OR5M3: variants seen among roughly 807,000 people sequenced by gnomAD.
OR5M3 encodes the protein olfactory receptor family 5 subfamily M member 3.
For missense variants in OR5M3, 384 were observed against 378.6 expected, an observed-to-expected ratio of 1.01 and a Z score of -0.12; for synonymous variants, 129 against 131.3, an observed-to-expected ratio of 0.98 and a Z score of 0.12.
At chr11:56,470,659 T>C (rs1853658832) in intron 1 of OR5M3, 118 bp from the exon 2 acceptor site, 1 of 491,128 alleles carries the variant, frequency 2.0e-6, no homozygotes, top group Non-Finnish European at 3.5e-6. Context: ...CTTTTCTCAG[T>C]GCCTGTTATG....
At position 56,470,260 on chromosome 11, in the gene OR5M3, A is replaced by G; in HGVS notation, c.238T>C (p.Leu80=). ...TTTTTATCTGATAACAGGTTTTCCA[A>G]CATTTTAGGGGTGACATTGGAAGAA... is the stretch of plus-strand genomic sequence containing the variant. ...WFSSNVTPKM[L]ENLLSDKKTI... The change falls in exon 2 of 2, where the codon TTG becomes CTG. Residue 80 remains leucine (L), a synonymous_variant. Coordinates refer to ENST00000641993, the MANE Select transcript of OR5M3 (RefSeq NM_001004742.3). The G allele has an allele frequency of 1.2e-6, 2 of 1,613,482 alleles. No homozygotes were observed. The highest frequency in any genetic ancestry group is 1.7e-6 in the Non-Finnish European group (2 of 1,179,498).
In OR5M3 at chr11:56,469,876, A is replaced by T; in HGVS notation, c.622T>A (p.Ser208Thr). The T allele has an allele frequency of 1.2e-6, 2 of 1,613,226 alleles. No homozygotes were observed. The highest frequency in any genetic ancestry group is 1.7e-6 in the Non-Finnish European group (2 of 1,179,184). ...IILAGINFTY[S>T]LTVIIISYLF... is the part of the protein sequence containing the mutation. ...TAAGAGATGATAATTACAGTCAGGG[A>T]ATATGTGAAGTTAATGCCGGCAAGT... The change falls in exon 2 of 2, where the codon TCC (serine) becomes ACC (threonine). Residue 208 changes from serine (S) to threonine (T), a missense_variant. By Grantham distance (58) the Ser-to-Thr change is moderately conservative. Transcript: ENST00000641993.
chr11:56,473,152 G>A (rs575130884), intron 1 of OR5M3, 69 bp downstream of exon 1: 2 of 152,012 alleles, frequency 1.3e-5, no homozygotes, highest in East Asian at 1.9e-4. Context: ...TCTATAAATC[G>A]TAAAAGAAAA....
chr11:56,472,761 C>T (rs977133248), intron 1 of OR5M3, among the ~76,000 whole-genome samples: 1 of 151,994 alleles, frequency 6.6e-6, no homozygotes, highest in Non-Finnish European at 1.5e-5. Flanking sequence ...AATTAAAATG[C>T]CCATAAATAT....
At position 56,470,261 on chromosome 11, in the gene OR5M3, C is replaced by T. The variant is rs769048277; in HGVS notation, c.237G>A (p.Met79Ile). 1.2e-5 allele frequency: 20 copies of T among 1,613,152 alleles called. No homozygotes were observed. The highest frequency in any genetic ancestry group is 4.5e-5 in the East Asian group (2 of 44,884). Residue 79 changes from methionine (M) to isoleucine (I), a missense_variant, in exon 2 of 2, where the codon ATG becomes ATA. Transcript: ENST00000641993. ...VWFSSNVTPK[M>I]LENLLSDKKT... Reference sequence around the variant, plus strand: ...TTTTATCTGATAACAGGTTTTCCAACATTTTAGGGGTGACATTGGAAGAAA... The same window carrying T: ...TTTTATCTGATAACAGGTTTTCCAATATTTTAGGGGTGACATTGGAAGAAA...
rs141165490 is a variant in OR5M3 at position 56,469,757 on chromosome 11, A to T, written c.741T>A (p.Ile247=). Residue 247 remains isoleucine, a synonymous_variant, in exon 2 of 2, where the codon ATT becomes ATA. Coordinates refer to ENST00000641993, the MANE Select transcript of OR5M3 (RefSeq NM_001004742.3). The stretch of plus-strand genomic sequence containing the variant: ...TGAAGATCAGAGTACCATAGAATAT[A>T]ATGACAGCTGTCAGATGGGACCCAC... ...STCGSHLTAV[I]IFYGTLIFMY... 8.1e-6 allele frequency: 13 copies of T among 1,607,454 alleles called. No individual in the cohort carries two copies. Among genetic ancestry groups the T allele is most frequent in the Non-Finnish European group, 8.5e-6 (10 of 1,174,442 alleles).
rs371011726 is a variant in OR5M3, at chr11:56,469,721, T to A, written c.777A>T (p.Arg259Ser). 37 of 1,612,224 alleles carry A rather than the reference T, an allele frequency of 2.3e-5. No individual in the cohort carries two copies. In the African/African-American group the frequency reaches 4.8e-4, roughly 21 times the overall value. Residue 259 changes from arginine to serine, a missense_variant, in exon 2 of 2, where the codon AGA becomes AGT. Transcript: ENST00000641993. ...FYGTLIFMYL[R>S]RPTEESVEQG... Reference sequence around the variant, plus strand: ...GCTCCACAGACTCCTCTGTGGGACGTCTGAGATACATGAAGATCAGAGTAC... The same window carrying A: ...GCTCCACAGACTCCTCTGTGGGACGACTGAGATACATGAAGATCAGAGTAC...
rs1454563972 is a variant in OR5M3 at position 56,469,746 on chromosome 11, C to T, written c.752G>A (p.Gly251Asp). 1.9e-6 allele frequency: 3 copies of T among 1,612,922 alleles called. No homozygotes were observed. The highest frequency in any genetic ancestry group is 1.7e-5 in the Admixed American group (1 of 59,910). Residue 251 changes from glycine (G) to aspartate (D), a missense_variant, in exon 2 of 2, where the codon GGT becomes GAT. By Grantham distance (94) the Gly-to-Asp change is moderately conservative. Coordinates refer to ENST00000641993, the MANE Select transcript of OR5M3 (RefSeq NM_001004742.3). The part of the protein sequence containing the change: ...SHLTAVIIFY[G>D]TLIFMYLRRP... ...TCTGAGATACATGAAGATCAGAGTACCATAGAATATAATGACAGCTGTCAG... is the reference window on the plus strand; with the variant it reads ...TCTGAGATACATGAAGATCAGAGTATCATAGAATATAATGACAGCTGTCAG...
Position 56,470,287 on chromosome 11 carries a change from A to T in OR5M3, c.211T>A (p.Phe71Ile). Reference sequence around the variant, plus strand: ...ATTTTAGGGGTGACATTGGAAGAAAACCACACATCAACAAATGACAAGTGA... The same window carrying T: ...ATTTTAGGGGTGACATTGGAAGAAATCCACACATCAACAAATGACAAGTGA... ...LSHLSFVDVWFSSNVTPKMLE... is the reference protein window; with the variant it reads ...LSHLSFVDVWISSNVTPKMLE... The change falls in exon 2 of 2, where the codon TTT (phenylalanine) becomes ATT (isoleucine). Residue 71 changes from phenylalanine (F) to isoleucine (I), a missense_variant. By Grantham distance (21) the Phe-to-Ile change is conservative. Transcript: ENST00000641993. The T allele has an allele frequency of 6.2e-7, 1 of 1,613,558 alleles. No homozygotes were observed. Among genetic ancestry groups the T allele is most frequent in the Non-Finnish European group, 8.5e-7 (1 of 1,179,584 alleles).
chr11:56,470,482 C>T lies in OR5M3; in HGVS notation c.16G>A (p.Asp6Asn), dbSNP rs1326016320. The change falls in exon 2 of 2, where the codon GAT (aspartate) becomes AAT (asparagine). Residue 6 changes from aspartate to asparagine, a missense_variant. Transcript: ENST00000641993. MLNFT[D>N]VTEFILLGLT... is the part of the protein sequence containing the mutation. ...CCCAAAAGAATGAACTCTGTCACAT[C>T]GGTGAAATTGAGCATTTTCTGAATT... The T allele has an allele frequency of 3.2e-6, 5 of 1,569,194 alleles. No individual in the cohort carries two copies. Among genetic ancestry groups the T allele is most frequent in the African/African-American group, 1.4e-5 (1 of 72,878 alleles).
At chr11:56,472,601 A>T (rs1263603173) in intron 1 of OR5M3, among the ~76,000 whole-genome samples, 1 of 152,126 alleles carries the variant, frequency 6.6e-6, no homozygotes, top group East Asian at 1.9e-4. Context: ...GTAAAATTAC[A>T]GGAAACTAGG....
chr11:56,469,641 A>T lies in OR5M3; in HGVS notation c.857T>A (p.Met286Lys). The part of the protein sequence containing the change: ...YTTVIPMLNP[M>K]IYSLRNKDVK... ...ATCCTTGTTCCTCAGACTGTAGATC[A>T]TGGGATTCAACATGGGGATCACTGT... is the stretch of plus-strand genomic sequence containing the variant. The change falls in exon 2 of 2, where the codon ATG becomes AAG. Residue 286 changes from methionine to lysine, a missense_variant. Met to Lys is a moderately conservative substitution (Grantham distance 95). Coordinates refer to ENST00000641993, the MANE Select transcript of OR5M3 (RefSeq NM_001004742.3). The T allele has an allele frequency of 1.3e-6, 2 of 1,556,548 alleles. No individual in the cohort carries two copies. The highest frequency in any genetic ancestry group is 2.4e-5 in the South Asian group (2 of 84,530).
rs1410652227 is a variant in OR5M3, at chr11:56,469,500, T to G, written c.*74A>C. ...CAGAATATCTTTATCTTAATGTTCCTAGGTACTGGGTAATAAACTTTTTCC... is the reference window on the plus strand; with the variant it reads ...CAGAATATCTTTATCTTAATGTTCCGAGGTACTGGGTAATAAACTTTTTCC... On this transcript the variant is annotated 3_prime_UTR_variant, in exon 2 of 2. Coordinates refer to ENST00000641993, the MANE Select transcript of OR5M3 (RefSeq NM_001004742.3). 2 of 806,146 alleles carry G rather than the reference T, an allele frequency of 2.5e-6. No individual in the cohort carries two copies. The highest frequency in any genetic ancestry group is 5.6e-5 in the East Asian group (2 of 35,966). 49.9% of individuals were successfully genotyped at this position (806,146 alleles called of 1,614,324 possible).
chr11:56,472,571 C>A (rs546585950), intron 1 of OR5M3, among the ~76,000 whole-genome samples: 63 of 152,038 alleles, frequency 4.1e-4, no homozygotes, highest in Admixed American at 7.2e-4. Flanking sequence ...TGACGGTTAT[C>A]CAGGTGATAA....
chr11:56,469,592 C>T lies in OR5M3; in HGVS notation c.906G>A (p.Val302=). ...ATTTTGTTTAACATGATCTGCTGAT[C>T]ACTTTCATCATGGCCTTTTTCACAT... ...NKDVKKAMMK[V]ISRSC is the part of the protein sequence containing the mutation. The change falls in exon 2 of 2, where the codon GTG becomes GTA. Residue 302 remains valine, a synonymous_variant. Coordinates refer to ENST00000641993, the MANE Select transcript of OR5M3 (RefSeq NM_001004742.3). The T allele has an allele frequency of 6.7e-7, 1 of 1,492,594 alleles. No homozygotes were observed. Among genetic ancestry groups the T allele is most frequent in the Non-Finnish European group, 9.0e-7 (1 of 1,109,366 alleles). The allele number at this position is 1,492,594 out of a possible 1,614,324, so 92.5% of individuals were successfully genotyped here.
chr11:56,471,964 G>C (rs1010352163), intron 1 of OR5M3, among the ~76,000 whole-genome samples: 2 of 151,968 alleles, frequency 1.3e-5, no homozygotes, highest in African/African-American at 4.8e-5. Flanking sequence ...ATCACAATTT[G>C]ATGAAATTTA....
chr11:56,472,254 A>C (rs1403598370), intron 1 of OR5M3, among the ~76,000 whole-genome samples: 1 of 152,044 alleles, frequency 6.6e-6, no homozygotes, highest in Non-Finnish European at 1.5e-5. Context: ...AAGTTCTAAA[A>C]ACTGTGTATA....
intron 1 of OR5M3, among the ~76,000 whole-genome samples, chr11:56,472,720 T>G (rs1445342824): frequency 6.6e-6 from 1 of 152,108 alleles, no homozygotes; most frequent in Non-Finnish European, 1.5e-5. Context: ...AATACACACA[T>G]GACCTTCCCT....
At chr11:56,470,657 AGT>A in intron 1 of OR5M3, 116 bp from the exon 2 acceptor site, 1 of 493,470 alleles carries the variant, frequency 2.0e-6, no homozygotes, top group Non-Finnish European at 3.5e-6. Flanking sequence ...ATCTTTTCTC[AGT>A]GCCTGTTATG....
Sources: gnomAD v4.1 joint callset for allele counts (sites outside exome capture counted in the v4.1 genomes callset) on GRCh38, gnomAD v4.1.1 for gene constraint, MANE v1.5 for transcripts, NCBI Gene and HGNC (gene_info 2026-07-23, HGNC 2026-07-21) for gene names.